The following TAS2R16 variants were observed in gnomAD, a reference collection of about 807,000 sequenced individuals.
TAS2R16 encodes the protein taste receptor type 2 member 16.
A neutral mutation model predicts 5.0 loss-of-function variants in TAS2R16; 5 were observed. That is an observed-to-expected ratio of 1.00 (90% CI 0.52 to 2.11). The LOEUF (loss-of-function observed/expected upper bound fraction) is 2.11, where lower values mean the gene tolerates loss of function less well. Ranked by LOEUF, TAS2R16 falls within the 30% of genes most tolerant of loss-of-function variation. The pLI is 0.01. For synonymous variants in TAS2R16, 142 were observed against 123.3 expected, an observed-to-expected ratio of 1.15 and a Z score of -1.00; for missense variants, 363 against 341.3, an observed-to-expected ratio of 1.06 and a Z score of -0.50.
chr7:122,994,830 T>C lies in TAS2R16; in HGVS notation c.805A>G (p.Ile269Val), dbSNP rs374419620. ...ATCAGTGAAGTGGAATGCATTAAGA[T>C]GAAAGCATAGACAAAAGCTTCCCAG... ...WVWEAFVYAF[I>V]LMHSTSLMLS... is the part of the protein sequence containing the mutation. The change falls in exon 1 of 1, where the codon ATC (isoleucine) becomes GTC (valine). Residue 269 changes from isoleucine (I) to valine (V), a missense_variant. By Grantham distance (29) the Ile-to-Val change is conservative. Coordinates refer to ENST00000249284, the MANE Select transcript of TAS2R16 (RefSeq NM_016945.3). The C allele has an allele frequency of 4.5e-5, 72 of 1,612,456 alleles. No homozygotes were observed. In the African/African-American group the frequency reaches 8.7e-4, roughly 19 times the overall value.
rs777217610 is a variant in TAS2R16 at position 122,994,791 on chromosome 7, T to C, written c.844A>G (p.Thr282Ala). The change falls in exon 1 of 1, where the codon ACG (threonine) becomes GCG (alanine). Residue 282 changes from threonine to alanine, a missense_variant. Coordinates refer to ENST00000249284, the MANE Select transcript of TAS2R16 (RefSeq NM_016945.3). Reference sequence around the variant, plus strand: ...TTTCCCTTTAGAATCCTTTTCAACGTAGGGCTGCTCAGCATCAGTGAAGTG... The same window carrying C: ...TTTCCCTTTAGAATCCTTTTCAACGCAGGGCTGCTCAGCATCAGTGAAGTG... The part of the protein sequence containing the change: ...HSTSLMLSSP[T>A]LKRILKGKC 2.5e-6 allele frequency: 4 copies of C among 1,594,190 alleles called. No individual in the cohort carries two copies. The highest frequency in any genetic ancestry group is 2.3e-5 in the South Asian group (2 of 87,096).
At position 122,995,307 on chromosome 7, in the gene TAS2R16, A is replaced by C; in HGVS notation, c.328T>G (p.Phe110Val). The change falls in exon 1 of 1, where the codon TTC becomes GTC. Residue 110 changes from phenylalanine (F) to valine (V), a missense_variant. Transcript: ENST00000249284. The stretch of plus-strand genomic sequence containing the variant: ...AGCCAGAGAAAGATGTGATGGGTGA[A>C]AGAAGAGACCTTGATGCAGTAGAAC... The part of the protein sequence containing the change: ...TVFYCIKVSS[F>V]THHIFLWLRW... The C allele has an allele frequency of 1.2e-6, 2 of 1,613,754 alleles. No individual in the cohort carries two copies. Among genetic ancestry groups the C allele is most frequent in the Admixed American group, 3.3e-5 (2 of 59,976 alleles).
At position 122,994,895 on chromosome 7, in the gene TAS2R16, A is replaced by G. The variant is rs534793391; in HGVS notation, c.740T>C (p.Ile247Thr). 7.4e-6 allele frequency: 12 copies of G among 1,613,688 alleles called. No homozygotes were observed. The East Asian group carries it at 2.5e-4, about 33-fold the overall frequency. The change falls in exon 1 of 1, where the codon ATT becomes ACT. Residue 247 changes from isoleucine to threonine, a missense_variant. Transcript: ENST00000249284. ...TCTCTTATCAAATAGAGTACCTATA[A>G]TGGTGATGAGTATGGTTAGAAAGTA... ...TSYFLTILIT[I>T]IGTLFDKRCW...
At position 122,994,789 on chromosome 7, in the gene TAS2R16, C is replaced by T. The variant is rs1204014; in HGVS notation, c.846G>A (p.Thr282=). 0.056 allele frequency: 88,564 copies of T among 1,591,196 alleles called. 4,886 individuals are homozygous for T. Among genetic ancestry groups the T allele is most frequent in the African/African-American group, 0.29 (21,810 of 73,986 alleles). The part of the protein sequence containing the change: ...HSTSLMLSSP[T]LKRILKGKC ...ACTTTCCCTTTAGAATCCTTTTCAACGTAGGGCTGCTCAGCATCAGTGAAG... is the reference window on the plus strand; with the variant it reads ...ACTTTCCCTTTAGAATCCTTTTCAATGTAGGGCTGCTCAGCATCAGTGAAG... The change falls in exon 1 of 1, where the codon ACG becomes ACA. Residue 282 remains threonine (T), a synonymous_variant. Coordinates refer to ENST00000249284, the MANE Select transcript of TAS2R16 (RefSeq NM_016945.3).
chr7:122,995,304 T>A lies in TAS2R16; in HGVS notation c.331A>T (p.Thr111Ser). Residue 111 changes from threonine (T) to serine (S), a missense_variant, in exon 1 of 1, where the codon ACC (threonine) becomes TCC (serine). Transcript: ENST00000249284. ...CTCAGCCAGAGAAAGATGTGATGGGTGAAAGAAGAGACCTTGATGCAGTAG... is the reference window on the plus strand; with the variant it reads ...CTCAGCCAGAGAAAGATGTGATGGGAGAAAGAAGAGACCTTGATGCAGTAG... Reference protein sequence around the residue: ...VFYCIKVSSFTHHIFLWLRWR... With the variant: ...VFYCIKVSSFSHHIFLWLRWR... 6.2e-7 allele frequency: 1 copy of A among 1,613,472 alleles called. No homozygotes were observed. Among genetic ancestry groups the A allele is most frequent in the South Asian group, 1.1e-5 (1 of 91,058 alleles).
chr7:122,994,909 G>A lies in TAS2R16; in HGVS notation c.726C>T (p.Thr242=). The part of the protein sequence containing the change: ...LFIVFTSYFL[T]ILITIIGTLF... ...GAGTACCTATAATGGTGATGAGTAT[G>A]GTTAGAAAGTAAGAGGTAAACACAA... Residue 242 remains threonine (T), a synonymous_variant, in exon 1 of 1, where the codon ACC becomes ACT. Coordinates refer to ENST00000249284, the MANE Select transcript of TAS2R16 (RefSeq NM_016945.3). The A allele has an allele frequency of 6.2e-7, 1 of 1,613,616 alleles. No homozygotes were observed. The highest frequency in any genetic ancestry group is 8.5e-7 in the Non-Finnish European group (1 of 1,179,758).
Position 122,994,889 on chromosome 7 carries a change from C to T in TAS2R16, c.746G>A (p.Gly249Asp), listed in dbSNP as rs773598427. 8.1e-6 allele frequency: 13 copies of T among 1,613,344 alleles called. No individual in the cohort carries two copies. The East Asian group carries it at 2.2e-4, about 28-fold the overall frequency. The change falls in exon 1 of 1, where the codon GGT becomes GAT. Residue 249 changes from glycine (G) to aspartate (D), a missense_variant. By Grantham distance (94) the Gly-to-Asp change is moderately conservative. Transcript: ENST00000249284. The stretch of plus-strand genomic sequence containing the variant: ...CCAACATCTCTTATCAAATAGAGTA[C>T]CTATAATGGTGATGAGTATGGTTAG... The part of the protein sequence containing the change: ...YFLTILITII[G>D]TLFDKRCWLW...
Position 122,994,765 on chromosome 7 carries a change from C to T in TAS2R16, c.870G>A (p.Lys290=). Reference sequence around the variant, plus strand: ...CCTCAGGCAACCTCTAGGCCTAGCACTTTCCCTTTAGAATCCTTTTCAACG... The same window carrying T: ...CCTCAGGCAACCTCTAGGCCTAGCATTTTCCCTTTAGAATCCTTTTCAACG... ...SPTLKRILKG[K]C is the part of the protein sequence containing the mutation. Residue 290 remains lysine, a synonymous_variant, in exon 1 of 1, where the codon AAG becomes AAA. Coordinates refer to ENST00000249284, the MANE Select transcript of TAS2R16 (RefSeq NM_016945.3). The T allele has an allele frequency of 6.4e-7, 1 of 1,565,938 alleles. No individual in the cohort carries two copies. The highest frequency in any genetic ancestry group is 8.6e-7 in the Non-Finnish European group (1 of 1,160,160).
chr7:122,994,720 C>A lies in TAS2R16; in HGVS notation c.*39G>T, dbSNP rs202147388. On this transcript the variant is annotated 3_prime_UTR_variant, in exon 1 of 1. Transcript: ENST00000249284. ...TCTGGTATTAATTATATCAATTGCT[C>A]GGGAGTCTTTTATCCTGTGCCTCAG... The A allele has an allele frequency of 1.5e-5, 22 of 1,516,350 alleles. No individual in the cohort carries two copies. Among genetic ancestry groups the A allele is most frequent in the Non-Finnish European group, 1.8e-5 (20 of 1,134,862 alleles). 93.9% of individuals were successfully genotyped at this position (1,516,350 alleles called of 1,614,324 possible).
rs1825946726 is a variant in TAS2R16, at chr7:122,994,862, A to G, written c.773T>C (p.Leu258Ser). 3 of 1,613,674 alleles carry G rather than the reference A, an allele frequency of 1.9e-6. No homozygotes were observed. The highest frequency in any genetic ancestry group is 2.5e-6 in the Non-Finnish European group (3 of 1,179,764). The change falls in exon 1 of 1, where the codon TTA becomes TCA. Residue 258 changes from leucine to serine, a missense_variant. Leu to Ser is a moderately radical substitution (Grantham distance 145). Coordinates refer to ENST00000249284, the MANE Select transcript of TAS2R16 (RefSeq NM_016945.3). ...ATAGACAAAAGCTTCCCAGACCCATAACCAACATCTCTTATCAAATAGAGT... is the reference window on the plus strand; with the variant it reads ...ATAGACAAAAGCTTCCCAGACCCATGACCAACATCTCTTATCAAATAGAGT... ...IGTLFDKRCW[L>S]WVWEAFVYAF...
At chr7:122,994,918 G>T in the TAS2R16 span, 2 of 1,613,496 alleles carry the variant, frequency 1.2e-6, no homozygotes, top group African/African-American at 2.7e-5. Context: ...TGGTTAGAAA[G>T]TAAGAGGTAA....
At position 122,995,546 on chromosome 7, in the gene TAS2R16, G is replaced by A; in HGVS notation, c.89C>T (p.Ala30Val). ...TTGCAGCCATTCTCTGCCCAGCACTGCAACAATTAGGCTGCTCTGCACAAT... is the reference window on the plus strand; with the variant it reads ...TTGCAGCCATTCTCTGCCCAGCACTACAACAATTAGGCTGCTCTGCACAAT... ...TIIVQSSLIV[A>V]VLGREWLQVR... Residue 30 changes from alanine to valine, a missense_variant, in exon 1 of 1, where the codon GCA becomes GTA. Transcript: ENST00000249284. 6.2e-7 allele frequency: 1 copy of A among 1,612,544 alleles called. No homozygotes were observed. The highest frequency in any genetic ancestry group is 2.2e-5 in the East Asian group (1 of 44,822).
rs372127324 is a variant in TAS2R16 at position 122,994,986 on chromosome 7, G to T, written c.649C>A (p.Pro217Thr). The T allele has an allele frequency of 6.8e-6, 11 of 1,613,696 alleles. No individual in the cohort carries two copies. The African/African-American group carries it at 1.2e-4, about 18-fold the overall frequency. Residue 217 changes from proline to threonine, a missense_variant, in exon 1 of 1, where the codon CCA becomes ACA. By Grantham distance (38) the Pro-to-Thr change is conservative. Coordinates refer to ENST00000249284, the MANE Select transcript of TAS2R16 (RefSeq NM_016945.3). ...GCAGTGAAGCGCGCTTTCATGCTTG[G>T]ATTGCAGTGACCAGTGCTATGATGT... ...IQHHSTGHCN[P>T]SMKARFTALR...
Position 122,995,216 on chromosome 7 carries a change from G to T in TAS2R16, c.419C>A (p.Thr140Lys), listed in dbSNP as rs1825953201. Reference sequence around the variant, plus strand: ...ATTCCCAATAGCTGAAGGGATGATTGTTACACAAGTAATCATCAGAGAACC... The same window carrying T: ...ATTCCCAATAGCTGAAGGGATGATTTTTACACAAGTAATCATCAGAGAACC... ...LLGSLMITCV[T>K]IIPSAIGNYI... Residue 140 changes from threonine to lysine, a missense_variant, in exon 1 of 1, where the codon ACA becomes AAA. Coordinates refer to ENST00000249284, the MANE Select transcript of TAS2R16 (RefSeq NM_016945.3). The T allele has an allele frequency of 7.4e-6, 12 of 1,613,606 alleles. No homozygotes were observed. Among genetic ancestry groups the T allele is most frequent in the African/African-American group, 1.3e-5 (1 of 74,862 alleles).
chr7:122,995,290 A>C lies in TAS2R16; in HGVS notation c.345T>G (p.Phe115Leu). Residue 115 changes from phenylalanine (F) to leucine (L), a missense_variant, in exon 1 of 1, where the codon TTT becomes TTG. Physicochemically the swap from Phe to Leu is conservative, Grantham distance 22. Coordinates refer to ENST00000249284, the MANE Select transcript of TAS2R16 (RefSeq NM_016945.3). ...TCAAAATTCTCCACCTCAGCCAGAG[A>C]AAGATGTGATGGGTGAAAGAAGAGA... The part of the protein sequence containing the change: ...IKVSSFTHHI[F>L]LWLRWRILRL... 6.2e-7 allele frequency: 1 copy of C among 1,613,766 alleles called. No homozygotes were observed.
chr7:122,995,692 A>G lies in TAS2R16; in HGVS notation c.-58T>C. On this transcript the variant is annotated 5_prime_UTR_variant, in exon 1 of 1. Transcript: ENST00000249284. The stretch of plus-strand genomic sequence containing the variant: ...ACTCTGAATCTCTGTACCAATTTCC[A>G]GGTAGAGAATGGGTTCCTGATTCCA... The G allele has an allele frequency of 6.7e-7, 1 of 1,481,498 alleles. No individual in the cohort carries two copies. 91.8% of individuals were successfully genotyped at this position (1,481,498 alleles called of 1,614,324 possible).
At position 122,995,247 on chromosome 7, in the gene TAS2R16, A is replaced by T. The variant is rs1290461284; in HGVS notation, c.388T>A (p.Leu130Ile). ...WRILRLFPWILLGSLMITCVT... is the reference protein window; with the variant it reads ...WRILRLFPWIILGSLMITCVT... ...CAAGTAATCATCAGAGAACCCAGTA[A>T]TATCCAGGGAAACAACCTCAAAATT... The change falls in exon 1 of 1, where the codon TTA (leucine) becomes ATA (isoleucine). Residue 130 changes from leucine (L) to isoleucine (I), a missense_variant. Transcript: ENST00000249284. 2 of 1,613,808 alleles carry T rather than the reference A, an allele frequency of 1.2e-6. No individual in the cohort carries two copies. The highest frequency in any genetic ancestry group is 1.7e-6 in the Non-Finnish European group (2 of 1,179,880).
At position 122,995,314 on chromosome 7, in the gene TAS2R16, G is replaced by C. The variant is rs28371572; in HGVS notation, c.321C>G (p.Val107=). 1.1e-4 allele frequency: 180 copies of C among 1,613,670 alleles called. No homozygotes were observed. The African/African-American group carries it at 2.0e-3, about 18-fold the overall frequency. Residue 107 remains valine (V), a synonymous_variant, in exon 1 of 1, where the codon GTC becomes GTG. Transcript: ENST00000249284. Reference sequence around the variant, plus strand: ...GAAAGATGTGATGGGTGAAAGAAGAGACCTTGATGCAGTAGAACACGGTAA... The same window carrying C: ...GAAAGATGTGATGGGTGAAAGAAGACACCTTGATGCAGTAGAACACGGTAA... ...SLLTVFYCIK[V]SSFTHHIFLW...
rs1479869871 is a variant in TAS2R16 at position 122,994,946 on chromosome 7, G to T, written c.689C>A (p.Ala230Asp). 6.2e-7 allele frequency: 1 copy of T among 1,613,598 alleles called. No individual in the cohort carries two copies. The highest frequency in any genetic ancestry group is 1.1e-5 in the South Asian group (1 of 91,046). ...AGAGGTAAACACAATAAATAAGACG[G>T]CAAGGGACCTCAGGGCAGTGAAGCG... is the stretch of plus-strand genomic sequence containing the variant. ...KARFTALRSL[A>D]VLFIVFTSYF... The change falls in exon 1 of 1, where the codon GCC becomes GAC. Residue 230 changes from alanine (A) to aspartate (D), a missense_variant. Ala to Asp is a moderately radical substitution (Grantham distance 126). Coordinates refer to ENST00000249284, the MANE Select transcript of TAS2R16 (RefSeq NM_016945.3).
Sources: gnomAD v4.1 joint callset for allele counts on GRCh38, gnomAD v4.1.1 for gene constraint, MANE v1.5 for transcripts, NCBI Gene and HGNC (gene_info 2026-07-23, HGNC 2026-07-21) for gene names.